The following ATAD3C variants were observed in gnomAD, a reference collection of about 807,000 sequenced individuals.
ATAD3C encodes the protein ATPase family AAA domain containing 3C, also known as ATPase family AAA domain-containing protein 3C.
In ATAD3C, 38 loss-of-function variants were observed where a neutral mutation model predicts 46.3. That is an observed-to-expected ratio of 0.82 (90% CI 0.63 to 1.08). The LOEUF is 1.08. ATAD3C is among the 50% of genes least tolerant of loss of function. The probability of loss-of-function intolerance (pLI) is 0.00; values close to 1 mark genes in which losing one functional copy is unlikely to be tolerated. For synonymous variants in ATAD3C, 220 were observed against 236.4 expected, an observed-to-expected ratio of 0.93 and a Z score of 0.63; for missense variants, 563 against 572.7, an observed-to-expected ratio of 0.98 and a Z score of 0.17.
intron 10 of ATAD3C, 131 bp downstream of exon 10, chr1:1,461,048 T>C: frequency 1.3e-5 from 16 of 1,219,990 alleles, no homozygotes; most frequent in Non-Finnish European, 1.6e-5. Flanking sequence ...TGCGGTTTCG[T>C]GCAGGAGCCC....
intron 3 of ATAD3C, 38 bp downstream of exon 3, chr1:1,452,472 A>AGG (rs1638880095): frequency 2.5e-6 from 4 of 1,612,946 alleles, no homozygotes; most frequent in Non-Finnish European, 3.4e-6. Context: ...CAGGTGGCTG[A>AGG]GGGGCAGCAT....
At chr1:1,457,437 A>G (rs1291228454) in intron 8 of ATAD3C, among the ~76,000 whole-genome samples, 2 of 151,348 alleles carry the variant, frequency 1.3e-5, no homozygotes, top group South Asian at 2.1e-4. Flanking sequence ...TACTAAAAAT[A>G]CAAAAAAAAT....
Position 1,462,851 on chromosome 1 carries a change from C to T in ATAD3C, c.1089+143C>T, listed in dbSNP as rs1639091434. The T allele has an allele frequency of 2.8e-6, 3 of 1,070,488 alleles. No homozygotes were observed. Among genetic ancestry groups the T allele is most frequent in the Non-Finnish European group, 4.0e-6 (3 of 750,996 alleles). The allele number at this position is 1,070,488 out of a possible 1,614,324, so 66.3% of individuals were successfully genotyped here. On this transcript the variant is annotated intron_variant, in intron 11 of 11. Coordinates refer to ENST00000378785, the MANE Select transcript of ATAD3C (RefSeq NM_001039211.3). The surrounding 1 kb of genome is among the most constrained non-coding windows in gnomAD (Gnocchi z 4.5). ...CAGTGCACAGATGTGACACGGGGCC[C>T]CTGCCCCAGTTGGGCCACTCCACGC...
chr1:1,462,684 C>T lies in ATAD3C; in HGVS notation c.1065C>T (p.Ile355=), dbSNP rs113898522. 9.0e-4 allele frequency: 1,438 copies of T among 1,605,250 alleles called. 24 individuals are homozygous for T. The African/African-American group carries it at 0.016, about 18-fold the overall frequency. The change falls in exon 11 of 12, where the codon ATC becomes ATT. Residue 355 remains isoleucine (I), a synonymous_variant. Transcript: ENST00000378785. The surrounding 1 kb of genome is among the most constrained non-coding windows in gnomAD (Gnocchi z 4.5). ...CAGAGGGCATGTCATGCCGGAAGAT[C>T]GCACAGCTGGCCGTGTCCTGGCAGG... ...RLTEGMSCRK[I]AQLAVSWQAT...
In ATAD3C at chr1:1,459,044, C is replaced by G. The variant is rs1204545889; in HGVS notation, c.742-117C>G. ...CTGGTCAGGCTTTTGAGTCTAGATCCGTGAAAGTGTCGCCATGTCCCTGCT... is the reference window on the plus strand; with the variant it reads ...CTGGTCAGGCTTTTGAGTCTAGATCGGTGAAAGTGTCGCCATGTCCCTGCT... On this transcript the variant is annotated intron_variant, in intron 8 of 11. Coordinates refer to ENST00000378785, the MANE Select transcript of ATAD3C (RefSeq NM_001039211.3). This position sits in a 1 kb window ranked among gnomAD's most constrained non-coding sequence, Gnocchi z 4.9. 1 of 1,560,618 alleles carries G rather than the reference C, an allele frequency of 6.4e-7. No homozygotes were observed. The highest frequency in any genetic ancestry group is 1.9e-5 in the Admixed American group (1 of 51,336).
At chr1:1,467,305 G>A (rs376024470) in intron 11 of ATAD3C, among the ~76,000 whole-genome samples, 4,182 of 152,116 alleles carry the variant, frequency 0.027, 219 homozygotes, top group African/African-American at 0.095. Flanking sequence ...GCACCTGTTT[G>A]CCCTCTCTTG....
chr1:1,461,878 G>A (rs1639074112), intron 10 of ATAD3C, among the ~76,000 whole-genome samples: 1 of 152,094 alleles, frequency 6.6e-6, no homozygotes, highest in South Asian at 2.1e-4. Flanking sequence ...GCTTCCTGCT[G>A]CACATGTGCC....
intron 7 of ATAD3C, among the ~76,000 whole-genome samples, chr1:1,456,577 TCA>T (rs1278592109): frequency 1.3e-5 from 2 of 150,716 alleles, no homozygotes; most frequent in African/African-American, 4.9e-5. Flanking sequence ...GATACTTGGC[TCA>T]GGGCAGAAGG....
chr1:1,453,690 AGTGTGACG>A lies in ATAD3C; in HGVS notation c.223-653_223-646del, dbSNP rs576028181. On this transcript the variant is annotated intron_variant, in intron 3 of 11. Coordinates refer to ENST00000378785, the MANE Select transcript of ATAD3C (RefSeq NM_001039211.3). ...GTTTCCCTGTTGTTGCCCAGGCTTGAGTGTGACGGCGCAGTCTGGGCTCACTGCAACCT... is the reference window on the plus strand; with the variant it reads ...GTTTCCCTGTTGTTGCCCAGGCTTGAGCGCAGTCTGGGCTCACTGCAACCT... 6.0e-3 allele frequency among the ~76,000 whole-genome samples: 870 copies of A among 145,082 alleles called. 17 individuals carry two copies. The highest frequency in any genetic ancestry group is 0.022 in the African/African-American group (828 of 38,172).
At position 1,468,871 on chromosome 1, in the gene ATAD3C, T is replaced by C; in HGVS notation, c.*341T>C. ...TCGCCTCCCTCCCCTCCGCCAGAGC[T>C]GCCTGTGGCCAGACACACGGTGGAG... is the stretch of plus-strand genomic sequence containing the variant. On this transcript the variant is annotated 3_prime_UTR_variant, in exon 12 of 12. Coordinates refer to ENST00000378785, the MANE Select transcript of ATAD3C (RefSeq NM_001039211.3). The C allele has an allele frequency of 3.2e-6, 1 of 310,350 alleles. No individual in the cohort carries two copies. The highest frequency in any genetic ancestry group is 3.2e-5 in the South Asian group (1 of 30,998). The allele number at this position is 310,350 out of a possible 1,614,324, so 19.2% of individuals were successfully genotyped here.
intron 3 of ATAD3C, among the ~76,000 whole-genome samples, chr1:1,453,100 G>A (rs551616420): frequency 3.3e-5 from 5 of 152,236 alleles, no homozygotes; most frequent in East Asian, 1.9e-4. Flanking sequence ...AGCGCCTGCC[G>A]GTGGCCTGGT....
intron 7 of ATAD3C, 142 bp downstream of exon 7, chr1:1,456,491 G>C: frequency 3.0e-6 from 2 of 661,468 alleles, no homozygotes; most frequent in Non-Finnish European, 4.5e-6. Context: ...CCAGTGGAGG[G>C]TCCCTCGGAG....
At chr1:1,451,988 G>C (rs1638867850) in intron 1 of ATAD3C, 58 bp from the exon 2 acceptor site, 4 of 1,601,012 alleles carry the variant, frequency 2.5e-6, no homozygotes, top group Non-Finnish European at 3.4e-6. Context: ...CTCTGGATTG[G>C]TGTTGAGCAT....
At chr1:1,468,280 C>G (rs1438200719) in intron 11 of ATAD3C, 104 bp from the exon 12 acceptor site, 6 of 1,467,942 alleles carry the variant, frequency 4.1e-6, no homozygotes, top group Non-Finnish European at 5.4e-6. Flanking sequence ...CTCAGGCCAT[C>G]CTGGAGCCCC....
Position 1,462,391 on chromosome 1 carries a change from C to A in ATAD3C, c.981-209C>A. 2 of 519,546 alleles carry A rather than the reference C, an allele frequency of 3.8e-6. No homozygotes were observed. The highest frequency in any genetic ancestry group is 3.6e-6 in the Non-Finnish European group (1 of 281,678). 32.2% of individuals were successfully genotyped at this position (519,546 alleles called of 1,614,324 possible). A position where few individuals can be genotyped will look rare whatever the true frequency, so the allele number is the denominator to read the frequency against. On this transcript the variant is annotated intron_variant, in intron 10 of 11. Coordinates refer to ENST00000378785, the MANE Select transcript of ATAD3C (RefSeq NM_001039211.3). The surrounding 1 kb of genome is among the most constrained non-coding windows in gnomAD (Gnocchi z 4.5). ...GGCTGGTGTTAGGAAGGGGTGCGGC[C>A]ATCTCCAGGCCCCACAGCCGCCCCC... is the stretch of plus-strand genomic sequence containing the variant.
At chr1:1,460,943 C>G in intron 10 of ATAD3C, 26 bp downstream of exon 10, 1 of 1,583,538 alleles carries the variant, frequency 6.3e-7, no homozygotes, top group East Asian at 2.3e-5. Context: ...CACCAGCCCC[C>G]GTCCAGGGGC....
intron 3 of ATAD3C, 127 bp downstream of exon 3, chr1:1,452,561 C>A: frequency 6.8e-7 from 1 of 1,479,504 alleles, no homozygotes. Flanking sequence ...ATGGAACAAG[C>A]CCAAACTGGA....
chr1:1,454,540 T>A (rs755272694), intron 4 of ATAD3C, 40 bp downstream of exon 4: 1 of 1,587,664 alleles, frequency 6.3e-7, no homozygotes, highest in Admixed American at 1.8e-5. Context: ...TGCAAGTGCC[T>A]GGCTGAGTCC....
chr1:1,468,995 G>A lies in ATAD3C; in HGVS notation c.*465G>A, dbSNP rs36044038. On this transcript the variant is annotated 3_prime_UTR_variant, in exon 12 of 12. Coordinates refer to ENST00000378785, the MANE Select transcript of ATAD3C (RefSeq NM_001039211.3). ...GCAAACCTTGATGATGGGGCTGGGC[G>A]CGGTGGCTCACGCCTGGAATCTCAG... is the stretch of plus-strand genomic sequence containing the variant. The A allele has an allele frequency of 6.5e-5, 11 of 169,856 alleles. No individual in the cohort carries two copies. The East Asian group carries it at 7.6e-4, about 12-fold the overall frequency. The allele number at this position is 169,856 out of a possible 1,614,324, so 10.5% of individuals were successfully genotyped here.
Sources: allele counts gnomAD v4.1 joint callset (sites outside exome capture counted in the v4.1 genomes callset), GRCh38; gene constraint gnomAD v4.1.1; non-coding constraint Gnocchi (gnomAD v3.1); transcripts MANE v1.5; gene names NCBI Gene and HGNC (gene_info 2026-07-23, HGNC 2026-07-21).